The following TSPEAR variants were observed in gnomAD, a reference collection of about 807,000 sequenced individuals.
TSPEAR encodes the protein thrombospondin-type laminin G domain and EAR repeat-containing protein.
A neutral mutation model predicts 71.6 loss-of-function variants in TSPEAR; 69 were observed. That is an observed-to-expected ratio of 0.96 (90% confidence interval 0.79 to 1.18). The LOEUF (loss-of-function observed/expected upper bound fraction) is 1.18. Ranked by LOEUF, TSPEAR falls within the 50% of genes most tolerant of loss-of-function variation. The pLI is 0.00. For synonymous variants in TSPEAR, 402 were observed against 387.2 expected, an observed-to-expected ratio of 1.04 and a Z score of -0.45; for missense variants, 971 against 894.9, an observed-to-expected ratio of 1.09 and a Z score of -1.09.
intron 1 of TSPEAR, among the ~76,000 whole-genome samples, chr21:44,631,346 C>A (rs1450528009): frequency 2.0e-5 from 3 of 152,036 alleles, no homozygotes; most frequent in Non-Finnish European, 4.4e-5. Context: ...AGTCCCACAG[C>A]CGATTTGAAC....
chr21:44,579,195 G>A (rs117666556), intron 1 of TSPEAR, among the ~76,000 whole-genome samples: 571 of 152,256 alleles, frequency 3.8e-3, no homozygotes, highest in Admixed American at 8.4e-3. Flanking sequence ...GGGTGGGACA[G>A]TCCTGGGGCC....
At chr21:44,591,570 G>A (rs778955979) in intron 1 of TSPEAR, 19 of 1,613,296 alleles carry the variant, frequency 1.2e-5, no homozygotes, top group South Asian at 3.3e-5. Context: ...GGCAGAGGAG[G>A]GACACGGAGG....
intron 9 of TSPEAR, among the ~76,000 whole-genome samples, chr21:44,514,573 G>A (rs1340989445): frequency 6.6e-6 from 1 of 152,170 alleles, no homozygotes; most frequent in African/African-American, 2.4e-5. Context: ...ACCTTCTGAG[G>A]TCTGCAGCAA....
intron 8 of TSPEAR, among the ~76,000 whole-genome samples, chr21:44,524,808 A>T (rs1388471391): frequency 6.6e-6 from 1 of 150,726 alleles, no homozygotes; most frequent in Non-Finnish European, 1.5e-5. Flanking sequence ...AGTCATTCAG[A>T]TAGACAGTCA....
At chr21:44,548,767 G>A (rs2077613596) in intron 2 of TSPEAR, among the ~76,000 whole-genome samples, 1 of 152,202 alleles carries the variant, frequency 6.6e-6, no homozygotes, top group Non-Finnish European at 1.5e-5. Flanking sequence ...GGTATTCACA[G>A]GCACAATTAG....
Position 44,529,796 on chromosome 21 carries a change from A to G in TSPEAR, c.790+2T>C. The G allele has an allele frequency of 1.9e-6, 3 of 1,613,574 alleles. No homozygotes were observed. Among genetic ancestry groups the G allele is most frequent in the Non-Finnish European group, 2.5e-6 (3 of 1,179,790 alleles). On this transcript the variant is annotated splice_donor_variant, in intron 5 of 11. Coordinates refer to ENST00000323084, the MANE Select transcript of TSPEAR (RefSeq NM_144991.3). LOFTEE classifies it high-confidence loss of function. ...GTGGGGGCGGGTGGCCCCCCTACTAACCATAGGGATATTTTAGCACCTCGT... is the reference window on the plus strand; with the variant it reads ...GTGGGGGCGGGTGGCCCCCCTACTAGCCATAGGGATATTTTAGCACCTCGT...
intron 1 of TSPEAR, chr21:44,697,953 GC>G: frequency 6.2e-7 from 1 of 1,601,652 alleles, no homozygotes; most frequent in East Asian, 2.2e-5. Context: ...CTCTGCTCAG[GC>G]CAGAAGTCCA....
intron 1 of TSPEAR, among the ~76,000 whole-genome samples, chr21:44,626,149 C>T (rs374075056): frequency 1.3e-5 from 2 of 152,190 alleles, no homozygotes; most frequent in East Asian, 1.9e-4. Context: ...ATGAAATATG[C>T]GTATGTGTAC....
intron 9 of TSPEAR, among the ~76,000 whole-genome samples, chr21:44,512,804 C>T (rs2052429694): frequency 6.6e-6 from 1 of 152,136 alleles, no homozygotes; most frequent in African/African-American, 2.4e-5. Context: ...GCATGGAGGT[C>T]TGTCCAGGGC....
chr21:44,706,561 C>T (rs9984899), intron 1 of TSPEAR, among the ~76,000 whole-genome samples: 46,972 of 152,178 alleles, frequency 0.31, 7,586 homozygotes, highest in African/African-American at 0.33. Context: ...CCACACGCAG[C>T]ACTCGCTAAA....
chr21:44,528,111 C>A (rs587720472), intron 6 of TSPEAR, among the ~76,000 whole-genome samples: 1 of 152,176 alleles, frequency 6.6e-6, no homozygotes, highest in Non-Finnish European at 1.5e-5. Flanking sequence ...GATGCCCAGC[C>A]CTGTCAGCCC....
intron 8 of TSPEAR, among the ~76,000 whole-genome samples, chr21:44,524,034 C>T (rs954501766): frequency 6.7e-6 from 1 of 149,128 alleles, no homozygotes; most frequent in Non-Finnish European, 1.5e-5. Flanking sequence ...GGTAGTTAGT[C>T]AGTTGTCAGG....
chr21:44,683,309 AG>A (rs1986700808), intron 1 of TSPEAR, among the ~76,000 whole-genome samples: 1 of 152,192 alleles, frequency 6.6e-6, no homozygotes, highest in African/African-American at 2.4e-5. Context: ...AACAAAAATC[AG>A]AAACATGATA....
Position 44,527,381 on chromosome 21 carries a change from A to G in TSPEAR, c.1060T>C (p.Tyr354His). Residue 354 changes from tyrosine (Y) to histidine (H), a missense_variant, in exon 7 of 12, where the codon TAC (tyrosine) becomes CAC (histidine). By Grantham distance (83) the Tyr-to-His change is moderately conservative. Coordinates refer to ENST00000323084, the MANE Select transcript of TSPEAR (RefSeq NM_144991.3). ...TANRKATSAV[Y>H]KWTEEKFVSY... ...ACGAACTTCTCTTCGGTCCACTTGT[A>G]GACGGCGGATGTGGCTTTGCGATTG... is the stretch of plus-strand genomic sequence containing the variant. The G allele has an allele frequency of 6.2e-7, 1 of 1,614,202 alleles. No individual in the cohort carries two copies.
chr21:44,548,090 GC>G (rs1441729410), intron 2 of TSPEAR, among the ~76,000 whole-genome samples: 2 of 152,232 alleles, frequency 1.3e-5, no homozygotes, highest in Non-Finnish European at 2.9e-5. Context: ...TTCTGACAAA[GC>G]CTCAGTGTAG....
intron 1 of TSPEAR, among the ~76,000 whole-genome samples, chr21:44,678,487 A>G (rs1461880162): frequency 1.3e-5 from 2 of 152,114 alleles, no homozygotes; most frequent in Admixed American, 1.3e-4. Context: ...AGAAGCCTCT[A>G]TGGTTCCTGT....
chr21:44,509,389 A>G lies in TSPEAR; in HGVS notation c.1567-3T>C. On this transcript the variant is annotated splice_polypyrimidine_tract_variant and splice_region_variant and intron_variant, in intron 9 of 11. Coordinates refer to ENST00000323084, the MANE Select transcript of TSPEAR (RefSeq NM_144991.3). ...TCCCAGTCTGCAGCACCGAACGTCT[A>G]GGACCAAAGGAGAGCAGGTGCAGAG... 1 of 1,598,328 alleles carries G rather than the reference A, an allele frequency of 6.3e-7. No individual in the cohort carries two copies. Among genetic ancestry groups the G allele is most frequent in the Non-Finnish European group, 8.5e-7 (1 of 1,170,248 alleles).
chr21:44,698,952 G>C (rs1601579572), intron 1 of TSPEAR, among the ~76,000 whole-genome samples: 1 of 152,216 alleles, frequency 6.6e-6, no homozygotes, highest in Non-Finnish European at 1.5e-5. Context: ...TGCAGTCCCA[G>C]CATTTTGGGA....
intron 1 of TSPEAR, among the ~76,000 whole-genome samples, chr21:44,625,272 T>C (rs782550472): frequency 1.3e-5 from 2 of 152,096 alleles, no homozygotes; most frequent in Non-Finnish European, 2.9e-5. Context: ...AAAATGAGCA[T>C]GAAAAGTTAG....
Sources: gnomAD v4.1 joint callset for allele counts (sites outside exome capture counted in the v4.1 genomes callset) on GRCh38, gnomAD v4.1.1 for gene constraint, MANE v1.5 for transcripts, NCBI Gene and HGNC (gene_info 2026-07-23, HGNC 2026-07-21) for gene names.